The following KCNAB1 variants were observed in gnomAD, a reference collection of about 807,000 sequenced individuals.
KCNAB1 encodes the protein potassium voltage-gated channel subfamily A regulatory beta subunit 1, also known as voltage-gated potassium channel subunit beta-1.
Under a neutral mutation model 64.6 loss-of-function variants are expected in KCNAB1, and 35 were observed. The observed-to-expected ratio is 0.54, with a 90% CI of 0.41 to 0.72. The LOEUF (loss-of-function observed/expected upper bound fraction) is 0.72. Ranked by LOEUF, KCNAB1 falls within the 30% of genes least tolerant of loss-of-function variation. The pLI is 0.00. For missense variants in KCNAB1, 401 were observed against 512.9 expected (o/e 0.78, Z 2.11); for synonymous variants, 177 against 183.8 (o/e 0.96, Z 0.30).
In KCNAB1 at chr3:156,261,870, G is replaced by A. The variant is rs186264438; in HGVS notation, c.275+140984G>A. ...ATTGACTATGCCAGTTCAGGAATAT[G>A]AACATTATTTAGATCTTTAATTGCT... On this transcript the variant is annotated intron_variant, in intron 1 of 13. Coordinates refer to ENST00000490337, the MANE Select transcript of KCNAB1 (RefSeq NM_172160.3). Among the ~76,000 whole-genome samples, 402 of 152,098 alleles carry A rather than the reference G, an allele frequency of 2.6e-3. 1 individual carries two copies. The highest frequency in any genetic ancestry group is 9.2e-3 in the African/African-American group (384 of 41,566).
At chr3:156,209,296 A>G (rs1714869064) in intron 1 of KCNAB1, among the ~76,000 whole-genome samples, 1 of 152,216 alleles carries the variant, frequency 6.6e-6, no homozygotes, top group South Asian at 2.1e-4. Context: ...TAGCATGTGC[A>G]AAGGTACTAT....
intron 1 of KCNAB1, among the ~76,000 whole-genome samples, chr3:156,331,670 A>G (rs1244319571): frequency 6.6e-6 from 1 of 151,888 alleles, no homozygotes; most frequent in African/African-American, 2.4e-5. Context: ...TGATAATAGC[A>G]GATAGTGGTG....
intron 1 of KCNAB1, among the ~76,000 whole-genome samples, chr3:156,201,396 T>C (rs1714322543): frequency 6.6e-6 from 1 of 152,160 alleles, no homozygotes. Context: ...CCCAACAATC[T>C]CTTTCACTAT....
intron 2 of KCNAB1, among the ~76,000 whole-genome samples, chr3:156,435,316 A>G (rs1012058270): frequency 1.3e-5 from 2 of 152,218 alleles, no homozygotes; most frequent in Non-Finnish European, 2.9e-5. Flanking sequence ...CCTGAGGTTG[A>G]GAAAAGTGGG....
At chr3:156,149,657 G>C (rs1188923507) in intron 1 of KCNAB1, among the ~76,000 whole-genome samples, 1 of 152,060 alleles carries the variant, frequency 6.6e-6, no homozygotes, top group Non-Finnish European at 1.5e-5. Context: ...ACAAAATGAA[G>C]CTGAAAAACC....
intron 1 of KCNAB1, among the ~76,000 whole-genome samples, chr3:156,226,551 G>T (rs974966968): frequency 3.3e-5 from 5 of 152,004 alleles, no homozygotes; most frequent in East Asian, 3.9e-4. Flanking sequence ...AAAACAAAGA[G>T]AAATAGATGG....
intron 1 of KCNAB1, among the ~76,000 whole-genome samples, chr3:156,314,887 G>A (rs1722173566): frequency 6.6e-6 from 1 of 152,160 alleles, no homozygotes; most frequent in Non-Finnish European, 1.5e-5. Flanking sequence ...GGTGGCACAT[G>A]CCTGTAGTCC....
At chr3:156,531,579 CCT>C (rs1553760303) in intron 13 of KCNAB1, 82 bp downstream of exon 13, 9 of 1,020,844 alleles carry the variant, frequency 8.8e-6, no homozygotes, top group African/African-American at 4.7e-5. Flanking sequence ...CATCTCTCCC[CCT>C]CTCTGTCCTG....
intron 1 of KCNAB1, among the ~76,000 whole-genome samples, chr3:156,404,483 C>T (rs1714109901): frequency 2.0e-5 from 3 of 152,166 alleles, no homozygotes; most frequent in South Asian, 2.1e-4. Context: ...AGCTTCTGAA[C>T]GATTAATCCC....
At chr3:156,502,102 A>G (rs2108368933) in intron 8 of KCNAB1, among the ~76,000 whole-genome samples, 1 of 152,316 alleles carries the variant, frequency 6.6e-6, no homozygotes, top group East Asian at 1.9e-4. Context: ...CAGCCAAACC[A>G]TATCAGATGC....
At chr3:156,158,394 A>G (rs912741491) in intron 1 of KCNAB1, among the ~76,000 whole-genome samples, 1 of 152,144 alleles carries the variant, frequency 6.6e-6, no homozygotes, top group Admixed American at 6.5e-5. Context: ...TTACAAATAA[A>G]TACTCTTACA....
intron 1 of KCNAB1, among the ~76,000 whole-genome samples, chr3:156,198,913 ATT>A (rs71138701): frequency 7.2e-3 from 154 of 21,250 alleles, no homozygotes; most frequent in African/African-American, 0.033. Context: ...TTATATTTTG[ATT>A]TTTTTTTTTT....
At chr3:156,395,186 T>A (rs1371421060) in intron 1 of KCNAB1, among the ~76,000 whole-genome samples, 1 of 152,166 alleles carries the variant, frequency 6.6e-6, no homozygotes, top group Non-Finnish European at 1.5e-5. Flanking sequence ...ACAAATGGCT[T>A]GTTCTTCTTC....
At chr3:156,515,496 T>C (rs369182048) in intron 10 of KCNAB1, among the ~76,000 whole-genome samples, 18 of 151,916 alleles carry the variant, frequency 1.2e-4, no homozygotes, top group African/African-American at 4.4e-4. Context: ...AAAAAATGCA[T>C]ACTGAATAAA....
intron 1 of KCNAB1, among the ~76,000 whole-genome samples, chr3:156,247,503 T>C (rs1379874460): frequency 6.6e-6 from 1 of 152,176 alleles, no homozygotes; most frequent in Non-Finnish European, 1.5e-5. Context: ...TCTCAGTTCA[T>C]GCACCGCCTC....
chr3:156,230,924 G>T (rs898795478), intron 1 of KCNAB1, among the ~76,000 whole-genome samples: 2 of 152,210 alleles, frequency 1.3e-5, no homozygotes, highest in African/African-American at 2.4e-5. Context: ...CTGAGGATCT[G>T]TTGGGAGAAA....
chr3:156,134,867 T>G (rs1714230205), intron 1 of KCNAB1, among the ~76,000 whole-genome samples: 1 of 152,218 alleles, frequency 6.6e-6, no homozygotes, highest in East Asian at 1.9e-4. Context: ...CAGTGGATTG[T>G]TTTTCAACAG....
At chr3:156,473,493 G>A (rs541990847) in intron 7 of KCNAB1, among the ~76,000 whole-genome samples, 1 of 152,192 alleles carries the variant, frequency 6.6e-6, no homozygotes, top group African/African-American at 2.4e-5. Flanking sequence ...GAGATAGCTG[G>A]TGATACCCTG....
At chr3:156,226,890 A>T (rs1243125628) in intron 1 of KCNAB1, among the ~76,000 whole-genome samples, 1 of 152,230 alleles carries the variant, frequency 6.6e-6, no homozygotes, top group African/African-American at 2.4e-5. Context: ...TACAATGATC[A>T]AGAGAGTATT....
Sources: gnomAD v4.1 joint callset for allele counts (sites outside exome capture counted in the v4.1 genomes callset) on GRCh38, gnomAD v4.1.1 for gene constraint, MANE v1.5 for transcripts, NCBI Gene and HGNC (gene_info 2026-07-23, HGNC 2026-07-21) for gene names.